Variants in RARB observed in about 807,000 individuals in gnomAD.
RARB encodes retinoic acid receptor beta, also known as HBV-activated protein.
RARB carries 17 observed loss-of-function variants against 51.9 expected under a neutral mutation model. The ratio of observed to expected loss-of-function variants is 0.33; its 90% CI spans 0.22 to 0.49. The LOEUF is 0.49. Among genes scored for constraint, RARB ranks in the 20% least tolerant of loss-of-function variants. The probability of loss-of-function intolerance (pLI) is 0.99; values close to 1 mark genes in which losing one functional copy is unlikely to be tolerated. For synonymous variants in RARB, 215 were observed against 195.4 expected (o/e 1.10, Z -0.84); for missense variants, 369 against 550.8 (o/e 0.67, Z 3.30).
At chr3:25,519,897 C>A (rs1177847971) in intron 3 of RARB, among the ~76,000 whole-genome samples, 4 of 152,110 alleles carry the variant, frequency 2.6e-5, no homozygotes, top group Non-Finnish European at 5.9e-5. Flanking sequence ...TTCTTTGTTT[C>A]CCCCAAGAGG....
chr3:25,525,562 C>T (rs577829002), intron 3 of RARB, among the ~76,000 whole-genome samples: 1 of 152,274 alleles, frequency 6.6e-6, no homozygotes, highest in Admixed American at 6.5e-5. Context: ...AGACTTTCAA[C>T]AACCAGTATT....
intron 3 of RARB, among the ~76,000 whole-genome samples, chr3:25,101,125 G>A (rs979138045): frequency 2.0e-5 from 3 of 152,110 alleles, no homozygotes; most frequent in African/African-American, 7.2e-5. Flanking sequence ...GACAGGTCTT[G>A]GGTCTGTCTT....
chr3:25,247,928 CT>C (rs1702607942), intron 5 of RARB, among the ~76,000 whole-genome samples: 1 of 152,138 alleles, frequency 6.6e-6, no homozygotes, highest in African/African-American at 2.4e-5. Context: ...TCTAGTATTT[CT>C]TTGTTAGTTT....
intron 3 of RARB, among the ~76,000 whole-genome samples, chr3:25,528,462 C>T (rs181743821): frequency 6.6e-6 from 1 of 152,112 alleles, no homozygotes; most frequent in East Asian, 2.0e-4. Flanking sequence ...TGGAACCAGC[C>T]ATCCTCTGAT....
At chr3:25,028,422 T>G (rs748539008) in intron 2 of RARB, among the ~76,000 whole-genome samples, 92 of 152,190 alleles carry the variant, frequency 6.0e-4, no homozygotes, top group Non-Finnish European at 1.1e-3. Context: ...ACCTGGGAAC[T>G]TGCCAGCAAT....
intron 3 of RARB, among the ~76,000 whole-genome samples, chr3:25,504,843 C>T (rs1336220547): frequency 1.3e-5 from 2 of 150,674 alleles, no homozygotes; most frequent in East Asian, 1.9e-4. Context: ...CTGCAACCTC[C>T]ACCTCCTGGG....
chr3:25,552,587 C>T (rs978431454), intron 3 of RARB, among the ~76,000 whole-genome samples: 2 of 152,074 alleles, frequency 1.3e-5, no homozygotes, highest in Non-Finnish European at 2.9e-5. Context: ...AAGTGGGCAC[C>T]CCAAATCTCT....
chr3:25,281,273 G>C (rs936775791), intron 5 of RARB, among the ~76,000 whole-genome samples: 2 of 152,138 alleles, frequency 1.3e-5, no homozygotes, highest in African/African-American at 4.8e-5. Context: ...GGGCCATCTC[G>C]TCTATTGAAA....
chr3:25,311,969 A>T (rs1704300678), intron 5 of RARB, among the ~76,000 whole-genome samples: 2 of 152,220 alleles, frequency 1.3e-5, no homozygotes, highest in Admixed American at 6.5e-5. Context: ...AACACAACTC[A>T]TTAATGTTGT....
At chr3:25,094,230 A>T (rs556872885) in intron 3 of RARB, among the ~76,000 whole-genome samples, 1 of 152,278 alleles carries the variant, frequency 6.6e-6, no homozygotes, top group East Asian at 1.9e-4. Context: ...TCCACTGTTA[A>T]TAACACTAAA....
exon 5 of RARB, chr3:25,174,267 C>G: frequency 1.5e-6 from 1 of 659,888 alleles, no homozygotes; most frequent in Non-Finnish European, 2.3e-6. Flanking sequence ...TCAGTTGAAC[C>G]ATCTTGACTT....
chr3:25,094,457 C>T (rs144666337), intron 3 of RARB, among the ~76,000 whole-genome samples: 1,862 of 152,178 alleles, frequency 0.012, 38 homozygotes, highest in African/African-American at 0.043. Context: ...TAGCTCACAC[C>T]TGTAATCTCA....
chr3:24,883,312 T>G (rs1182681850), intron 2 of RARB, among the ~76,000 whole-genome samples: 5 of 151,398 alleles, frequency 3.3e-5, no homozygotes, highest in Admixed American at 3.3e-4. Flanking sequence ...GGTGAAAGAT[T>G]CACATTTACT....
intron 2 of RARB, among the ~76,000 whole-genome samples, chr3:24,872,430 G>T (rs1175101222): frequency 6.6e-6 from 1 of 152,126 alleles, no homozygotes; most frequent in Non-Finnish European, 1.5e-5. Context: ...GAATACCTGA[G>T]ACTGGGTAAT....
At chr3:25,216,757 T>C (rs1701842747) in intron 5 of RARB, among the ~76,000 whole-genome samples, 1 of 151,374 alleles carries the variant, frequency 6.6e-6, no homozygotes, top group South Asian at 2.1e-4. Flanking sequence ...CTAGTACATA[T>C]ATATATATTT....
At chr3:25,560,562 A>C (rs1004074509) in intron 3 of RARB, among the ~76,000 whole-genome samples, 11 of 152,224 alleles carry the variant, frequency 7.2e-5, no homozygotes, top group African/African-American at 2.4e-4. Flanking sequence ...GTTCAGACAG[A>C]CAGTCCTAAC....
intron 2 of RARB, among the ~76,000 whole-genome samples, chr3:25,057,076 T>C (rs902573967): frequency 6.6e-6 from 1 of 152,096 alleles, no homozygotes; most frequent in African/African-American, 2.4e-5. Context: ...CATAATCAGG[T>C]AGATAACTCA....
At position 25,455,069 on chromosome 3, in the gene RARB, A is replaced by G. The variant is rs371746314; in HGVS notation, c.158-6124A>G. 7.6e-4 allele frequency among the ~76,000 whole-genome samples: 116 copies of G among 152,262 alleles called. 2 individuals are homozygous for G. In the South Asian group the frequency reaches 0.024, roughly 31 times the overall value. On this transcript the variant is annotated intron_variant, in intron 1 of 7. Transcript: ENST00000330688. ...TTGTTTTGTCTGCAAACAACCTCTG[A>G]GTTTGAAGTCCTTTTAGAGGACTGT...
rs535233370 is a variant in RARB at position 24,997,104 on chromosome 3, T to C, written c.-379-63021T>C. 3.9e-5 allele frequency among the ~76,000 whole-genome samples: 6 copies of C among 151,982 alleles called. No individual in the cohort carries two copies. The East Asian group carries it at 1.2e-3, about 29-fold the overall frequency. On this transcript the variant is annotated intron_variant, in intron 2 of 11. Coordinates refer to the RARB transcript ENST00000383772. ...ATTGAGGTCTATCTCTCACTTTAGA[T>C]CTAATAATATTTACTTTATATATCT...
Sources: gnomAD v4.1 joint callset for allele counts (sites outside exome capture counted in the v4.1 genomes callset) on GRCh38, gnomAD v4.1.1 for gene constraint, MANE v1.5 for transcripts, NCBI Gene and HGNC (gene_info 2026-07-23, HGNC 2026-07-21) for gene names.